DNER: variants seen among roughly 807,000 people sequenced by gnomAD.
DNER encodes the protein delta/notch like EGF repeat containing, also known as delta and Notch-like epidermal growth factor-related receptor.
DNER carries 33 observed loss-of-function variants against 78.2 expected under a neutral mutation model. The ratio of observed to expected loss-of-function variants is 0.42; its 90% CI spans 0.32 to 0.56. DNER has a LOEUF of 0.56. Among genes scored for constraint, DNER ranks in the 20% least tolerant of loss-of-function variants. DNER has a pLI of 0.11. For synonymous variants in DNER, 417 were observed against 384.8 expected (o/e 1.08, Z -0.98); for missense variants, 918 against 975.3 (o/e 0.94, Z 0.78).
intron 1 of DNER, chr2:229,701,851 A>C (rs1274052743): frequency 1.9e-5 from 3 of 156,904 alleles, no homozygotes; most frequent in African/African-American, 7.2e-5. Flanking sequence ...CCAGACTATG[A>C]AACAGCAAAA....
chr2:229,677,382 G>A (rs1699315000), intron 1 of DNER, among the ~76,000 whole-genome samples: 1 of 152,184 alleles, frequency 6.6e-6, no homozygotes, highest in Non-Finnish European at 1.5e-5. Context: ...AGATGGGGAT[G>A]CCAATTCAAG....
chr2:229,600,877 T>A (rs1697813372), intron 1 of DNER, among the ~76,000 whole-genome samples: 1 of 152,166 alleles, frequency 6.6e-6, no homozygotes, highest in Non-Finnish European at 1.5e-5. Context: ...GATATTGAAA[T>A]AGCAGGAGAG....
chr2:229,698,554 G>C (rs1421851201), intron 1 of DNER, among the ~76,000 whole-genome samples: 2 of 152,110 alleles, frequency 1.3e-5, no homozygotes, highest in African/African-American at 2.4e-5. Context: ...ATCGACTTGT[G>C]ATTTTTAAAA....
chr2:229,564,157 ACATCATCACCCCATCAACATCATCATCAG>A (rs1697045261), intron 4 of DNER, among the ~76,000 whole-genome samples: 3 of 96,396 alleles, frequency 3.1e-5, no homozygotes, highest in African/African-American at 1.2e-4. Context: ...ATCATCATCA[ACATCATCACCCCATCAACATCATCATCAG>A]CATCATCACC....
At chr2:229,468,004 G>A (rs1432990506) in intron 7 of DNER, among the ~76,000 whole-genome samples, 1 of 152,192 alleles carries the variant, frequency 6.6e-6, no homozygotes. Flanking sequence ...AGTGGCACAG[G>A]GGGATAAGAC....
At chr2:229,442,145 A>G (rs560166908) in intron 8 of DNER, among the ~76,000 whole-genome samples, 226 of 152,152 alleles carry the variant, frequency 1.5e-3, no homozygotes, top group Non-Finnish European at 2.7e-3. Flanking sequence ...AAAAGGTAAT[A>G]TATTCTATAC....
intron 1 of DNER, among the ~76,000 whole-genome samples, chr2:229,681,035 G>A (rs566384161): frequency 2.9e-4 from 44 of 152,302 alleles, no homozygotes; most frequent in African/African-American, 1.0e-3. Context: ...GGTCTCCAAA[G>A]GAGAGGCATA....
intron 6 of DNER, among the ~76,000 whole-genome samples, chr2:229,479,119 T>C (rs1281529639): frequency 6.6e-6 from 1 of 152,206 alleles, no homozygotes; most frequent in Non-Finnish European, 1.5e-5. Flanking sequence ...TCCAGCTCCA[T>C]CCATGTCCCT....
intron 5 of DNER, among the ~76,000 whole-genome samples, chr2:229,529,907 A>T (rs1456065627): frequency 2.0e-5 from 3 of 152,080 alleles, no homozygotes; most frequent in Non-Finnish European, 4.4e-5. Context: ...TGCTCAGGAG[A>T]CTGAGGCGGG....
intron 1 of DNER, among the ~76,000 whole-genome samples, chr2:229,710,115 C>T (rs1208390499): frequency 1.3e-5 from 2 of 152,198 alleles, no homozygotes; most frequent in African/African-American, 2.4e-5. Flanking sequence ...AGAATTCTAA[C>T]TCTAAGGTGA....
At chr2:229,520,366 C>T (rs1205369111) in intron 5 of DNER, among the ~76,000 whole-genome samples, 1 of 152,132 alleles carries the variant, frequency 6.6e-6, no homozygotes, top group African/African-American at 2.4e-5. Context: ...GCCCCTAACT[C>T]TGAAAACGAA....
chr2:229,519,520 G>A (rs1696052239), intron 5 of DNER, among the ~76,000 whole-genome samples: 1 of 152,046 alleles, frequency 6.6e-6, no homozygotes, highest in African/African-American at 2.4e-5. Context: ...CACCATGTCT[G>A]TCAGGTGATC....
chr2:229,399,103 A>C (rs1260853069), intron 10 of DNER, among the ~76,000 whole-genome samples: 2 of 151,972 alleles, frequency 1.3e-5, no homozygotes, highest in African/African-American at 4.8e-5. Flanking sequence ...TACCTATCAG[A>C]AAGGAAGAAA....
At chr2:229,647,120 T>C (rs1157249816) in intron 1 of DNER, among the ~76,000 whole-genome samples, 1 of 152,118 alleles carries the variant, frequency 6.6e-6, no homozygotes, top group Admixed American at 6.5e-5. Context: ...TGAGCCAAGA[T>C]TGCACCACTG....
intron 8 of DNER, among the ~76,000 whole-genome samples, chr2:229,428,089 A>AG (rs1693921350): frequency 1.3e-5 from 2 of 151,596 alleles, no homozygotes; most frequent in Admixed American, 6.6e-5. Context: ...AAAAAAAAAA[A>AG]AAAGAGAAAA....
chr2:229,684,211 T>TGAGAGAGAGAGAGAGAGAGAGAGAGAGAG (rs1559208473), intron 1 of DNER, among the ~76,000 whole-genome samples: 1 of 123,522 alleles, frequency 8.1e-6, no homozygotes, highest in African/African-American at 3.3e-5. Context: ...TGTGTGTGTG[T>TGAGAGAGAGAGAGAGAGAGAGAGAGAGAG]TGGGGCTAAG....
chr2:229,512,473 A>T (rs1410935709), intron 6 of DNER, among the ~76,000 whole-genome samples: 1 of 152,184 alleles, frequency 6.6e-6, no homozygotes, highest in African/African-American at 2.4e-5. Context: ...GGAATGAAAA[A>T]CCAAACATCA....
chr2:229,445,304 A>G (rs1694317530), intron 8 of DNER, among the ~76,000 whole-genome samples: 1 of 152,210 alleles, frequency 6.6e-6, no homozygotes, highest in Non-Finnish European at 1.5e-5. Context: ...TCTGAGGGGC[A>G]GCTATTCCTG....
intron 7 of DNER, among the ~76,000 whole-genome samples, chr2:229,455,682 AG>A (rs1409635530): frequency 1.3e-5 from 2 of 152,066 alleles, no homozygotes; most frequent in Non-Finnish European, 2.9e-5. Context: ...AAGAGGTGGG[AG>A]GTAGGAGTGT....
Sources: gnomAD v4.1 joint callset for allele counts (sites outside exome capture counted in the v4.1 genomes callset) on GRCh38, gnomAD v4.1.1 for gene constraint, MANE v1.5 for transcripts, NCBI Gene and HGNC (gene_info 2026-07-23, HGNC 2026-07-21) for gene names.